DAB1: variants seen among roughly 807,000 people sequenced by gnomAD.
The protein encoded by DAB1 is disabled homolog 1.
DAB1 carries 15 observed loss-of-function variants against 64.6 expected under a neutral mutation model. The ratio of observed to expected loss-of-function variants is 0.23; its 90% CI spans 0.16 to 0.36. The LOEUF (loss-of-function observed/expected upper bound fraction) is 0.36, where lower values mean the gene tolerates loss of function less well. DAB1 is among the 10% of genes least tolerant of loss of function. The pLI, the probability that DAB1 is intolerant of heterozygous loss-of-function variation, is 1.00. For missense variants in DAB1, 596 were observed against 706.7 expected (o/e 0.84, Z 1.78); for synonymous variants, 235 against 251.9 (o/e 0.93, Z 0.64).
chr1:58,061,031 C>G (rs989806209), intron 5 of DAB1, among the ~76,000 whole-genome samples: 1 of 152,176 alleles, frequency 6.6e-6, no homozygotes, highest in Non-Finnish European at 1.5e-5. Flanking sequence ...TCCATCCCTC[C>G]CTTTGGCAGG....
intron 1 of DAB1, among the ~76,000 whole-genome samples, chr1:57,350,016 T>C (rs1678450084): frequency 6.6e-6 from 1 of 152,184 alleles, no homozygotes; most frequent in South Asian, 2.1e-4. Context: ...CAGATATTTA[T>C]AAATAGATTT....
chr1:57,508,176 G>T (rs12120223), intron 7 of DAB1, among the ~76,000 whole-genome samples: 1 of 151,912 alleles, frequency 6.6e-6, no homozygotes, highest in African/African-American at 2.4e-5. Context: ...AACTTTCCCC[G>T]AACATTCCAA....
At chr1:57,302,313 C>T (rs746458916) in intron 1 of DAB1, among the ~76,000 whole-genome samples, 9 of 152,126 alleles carry the variant, frequency 5.9e-5, no homozygotes, top group East Asian at 1.9e-4. Flanking sequence ...CTCACAAAAA[C>T]GTAAAAATTC....
chr1:57,017,293 G>C (rs1358923869), intron 11 of DAB1, among the ~76,000 whole-genome samples: 1 of 152,098 alleles, frequency 6.6e-6, no homozygotes, highest in East Asian at 1.9e-4. Flanking sequence ...TTCCATGGCT[G>C]TCAGTAGGAA....
At chr1:57,675,088 G>C (rs1460773449) in intron 6 of DAB1, among the ~76,000 whole-genome samples, 1 of 152,152 alleles carries the variant, frequency 6.6e-6, no homozygotes, top group Non-Finnish European at 1.5e-5. Flanking sequence ...TTTCTATGAA[G>C]CAGGAAGCCC....
chr1:57,922,689 C>CA lies in DAB1; in HGVS notation n.388-38528dup, dbSNP rs111920870. On this transcript the variant is annotated intron_variant and non_coding_transcript_variant, in intron 5 of 20. Coordinates refer to the DAB1 transcript ENST00000485760. ...TGAAACCCCGTCTCTACTAAAAATA[C>CA]AAAAAAAATAGCTGGGCGTGCTGGC... 6.0e-3 allele frequency among the ~76,000 whole-genome samples: 908 copies of CA among 150,394 alleles called. 13 individuals are homozygous for CA. The highest frequency in any genetic ancestry group is 0.02 in the African/African-American group (839 of 40,992).
At chr1:58,540,745 T>C (rs1191127360) in intron 1 of DAB1, among the ~76,000 whole-genome samples, 1 of 151,490 alleles carries the variant, frequency 6.6e-6, no homozygotes, top group East Asian at 1.9e-4. Flanking sequence ...CAATGAGGTA[T>C]GCAATAACTT....
Position 58,126,702 on chromosome 1 carries a change from T to C in DAB1, n.387+23809A>G, listed in dbSNP as rs1373876385. Among the ~76,000 whole-genome samples, 4 of 149,186 alleles carry C rather than the reference T, an allele frequency of 2.7e-5. No individual in the cohort carries two copies. The East Asian group carries it at 6.0e-4, about 23-fold the overall frequency. On this transcript the variant is annotated intron_variant and non_coding_transcript_variant, in intron 5 of 20. Transcript: ENST00000485760. ...CAATTCCCACCTAGGAGTGAGAATA[T>C]GCGGTGTTTGGTTTTTTGTTCTTGC...
At chr1:57,472,768 C>T (rs1027817304) in intron 7 of DAB1, among the ~76,000 whole-genome samples, 2 of 152,282 alleles carry the variant, frequency 1.3e-5, no homozygotes, top group East Asian at 1.9e-4. Flanking sequence ...AAACCCCTTC[C>T]TTCTTTAACT....
At chr1:57,070,696 T>A (rs1243568798) in intron 7 of DAB1, 5 of 301,026 alleles carry the variant, frequency 1.7e-5, no homozygotes, top group African/African-American at 1.1e-4. Flanking sequence ...ATTATTCATA[T>A]TCTCTCTAAT....
chr1:57,078,177 T>G, intron 4 of DAB1, among the ~76,000 whole-genome samples: 1 of 152,212 alleles, frequency 6.6e-6, no homozygotes, highest in African/African-American at 2.4e-5. Context: ...TGGGTCAGAG[T>G]GAAGTGCTCC....
intron 7 of DAB1, among the ~76,000 whole-genome samples, chr1:57,606,587 ATATATTATATAT>A (rs1645648582): frequency 1.5e-5 from 1 of 64,940 alleles, no homozygotes; most frequent in African/African-American, 5.2e-5. Context: ...ATATAATATA[ATATATTATATAT>A]TATATATATG....
intron 6 of DAB1, among the ~76,000 whole-genome samples, chr1:57,788,413 G>A (rs1650437746): frequency 6.6e-6 from 1 of 152,184 alleles, no homozygotes; most frequent in Non-Finnish European, 1.5e-5. Context: ...CTAAGTGAAA[G>A]AAGCCAGACA....
chr1:57,913,121 AGCCCGCATT>A (rs1445167247), intron 5 of DAB1, among the ~76,000 whole-genome samples: 2 of 152,240 alleles, frequency 1.3e-5, no homozygotes, highest in Non-Finnish European at 2.9e-5. Flanking sequence ...ACCAAAAAAG[AGCCCGCATT>A]GCCAAATCAA....
chr1:57,066,484 C>T (rs937301276), intron 8 of DAB1, among the ~76,000 whole-genome samples: 1 of 152,106 alleles, frequency 6.6e-6, no homozygotes, highest in Non-Finnish European at 1.5e-5. Flanking sequence ...ATTAATATAG[C>T]TGGGAAAACA....
At chr1:58,019,356 T>C (rs1646785068) in intron 5 of DAB1, among the ~76,000 whole-genome samples, 1 of 152,230 alleles carries the variant, frequency 6.6e-6, no homozygotes, top group Non-Finnish European at 1.5e-5. Flanking sequence ...GGAATAAAAT[T>C]GTTCTTTCGT....
At chr1:57,307,870 G>T (rs958852745) in intron 1 of DAB1, among the ~76,000 whole-genome samples, 1 of 151,372 alleles carries the variant, frequency 6.6e-6, no homozygotes, top group African/African-American at 2.4e-5. Flanking sequence ...TCTTTCCCTA[G>T]CTATGGAATC....
At position 57,754,578 on chromosome 1, in the gene DAB1, C is replaced by T. The variant is rs375803051; in HGVS notation, n.552-104913G>A. Among the ~76,000 whole-genome samples, 399 of 151,712 alleles carry T rather than the reference C, an allele frequency of 2.6e-3. 1 individual carries two copies. Among genetic ancestry groups the T allele is most frequent in the African/African-American group, 9.0e-3 (373 of 41,316 alleles). On this transcript the variant is annotated intron_variant and non_coding_transcript_variant, in intron 6 of 20. Coordinates refer to the DAB1 transcript ENST00000485760. ...GCATGCGCCTGTGATCCCAGCTACT[C>T]GGAAGGCTGAGGCAGGAGAATCGCT...
rs1553193729 is a variant in DAB1 at position 57,553,384 on chromosome 1, G to GAGAGAAAGAA, written n.625+96207_625+96208insTTCTTTCTCT. ...GAAAGAGAAGGAAGGAAGGAAGAAA[G>GAGAGAAAGAA]AGAAAGAAAGAAAGAAAGAAAGAAA... is the stretch of plus-strand genomic sequence containing the variant. On this transcript the variant is annotated intron_variant and non_coding_transcript_variant, in intron 7 of 20. Transcript: ENST00000485760. Among the ~76,000 whole-genome samples, 4 of 6,980 alleles carry GAGAGAAAGAA rather than the reference G, an allele frequency of 5.7e-4. 1 individual carries two copies. Among genetic ancestry groups the GAGAGAAAGAA allele is most frequent in the African/African-American group, 7.1e-4 (4 of 5,630 alleles). 4.6% of individuals were successfully genotyped at this position (6,980 alleles called of 152,430 possible).
Sources: allele counts gnomAD v4.1 joint callset (sites outside exome capture counted in the v4.1 genomes callset), GRCh38; gene constraint gnomAD v4.1.1; transcripts MANE v1.5; gene names NCBI Gene and HGNC (gene_info 2026-07-23, HGNC 2026-07-21).